The following PAPSS1 variants were observed in gnomAD, a reference collection of about 807,000 sequenced individuals.
PAPSS1 encodes the protein 3'-phosphoadenosine 5'-phosphosulfate synthase 1.
In PAPSS1, 50 loss-of-function variants were observed where a neutral mutation model predicts 72.0. The observed-to-expected ratio is 0.69, with a 90% confidence interval of 0.55 to 0.88. The LOEUF (loss-of-function observed/expected upper bound fraction) is 0.88. PAPSS1 is among the 40% of genes least tolerant of loss of function. The probability of loss-of-function intolerance (pLI) is 0.00; values close to 1 mark genes in which losing one functional copy is unlikely to be tolerated. For synonymous variants in PAPSS1, 261 were observed against 263.6 expected, an observed-to-expected ratio of 0.99 and a Z score of 0.09; for missense variants, 657 against 782.2, an observed-to-expected ratio of 0.84 and a Z score of 1.91.
intron 10 of PAPSS1, among the ~76,000 whole-genome samples, chr4:107,636,072 C>T (rs1389276687): frequency 6.6e-6 from 1 of 152,170 alleles, no homozygotes; most frequent in Non-Finnish European, 1.5e-5. Context: ...TGAAAGAAAA[C>T]TGGGTATAAG....
chr4:107,682,539 T>C (rs1055538413), intron 4 of PAPSS1, among the ~76,000 whole-genome samples: 6 of 152,186 alleles, frequency 3.9e-5, no homozygotes, highest in Non-Finnish European at 5.9e-5. Context: ...CAAATAAATT[T>C]TGTCAAGTAG....
intron 2 of PAPSS1, among the ~76,000 whole-genome samples, chr4:107,700,732 A>G (rs1274089005): frequency 6.6e-6 from 1 of 152,210 alleles, no homozygotes; most frequent in African/African-American, 2.4e-5. Flanking sequence ...AAACATAGCA[A>G]GAAGATGCTA....
intron 11 of PAPSS1, among the ~76,000 whole-genome samples, chr4:107,622,058 G>A (rs576453937): frequency 2.9e-4 from 44 of 152,206 alleles, no homozygotes; most frequent in African/African-American, 1.0e-3. Context: ...ACTCATTCAG[G>A]AACTGTCTCA....
chr4:107,701,597 C>A (rs1723206848), intron 1 of PAPSS1, among the ~76,000 whole-genome samples: 1 of 152,100 alleles, frequency 6.6e-6, no homozygotes. Flanking sequence ...GACTCCAGAG[C>A]CTAGTCCTTT....
At chr4:107,709,371 C>G (rs529148534) in intron 1 of PAPSS1, among the ~76,000 whole-genome samples, 16 of 152,246 alleles carry the variant, frequency 1.1e-4, no homozygotes, top group African/African-American at 3.9e-4. Flanking sequence ...CCAAACTGCC[C>G]TTAGGTATTG....
At chr4:107,655,001 A>C in intron 7 of PAPSS1, 101 bp from the exon 8 acceptor site, 1 of 781,018 alleles carries the variant, frequency 1.3e-6, no homozygotes. Flanking sequence ...CAAATAATAA[A>C]AGGCTGTAGA....
At chr4:107,620,597 C>G (rs1725929877) in intron 11 of PAPSS1, among the ~76,000 whole-genome samples, 1 of 152,118 alleles carries the variant, frequency 6.6e-6, no homozygotes, top group African/African-American at 2.4e-5. Context: ...CCAGGGCTGT[C>G]CTAAAGTGTA....
intron 11 of PAPSS1, among the ~76,000 whole-genome samples, chr4:107,625,569 C>CAG: frequency 6.6e-6 from 1 of 152,186 alleles, no homozygotes; most frequent in East Asian, 1.9e-4. Flanking sequence ...TAACAGGGTT[C>CAG]AGTCTGACAG....
At chr4:107,699,412 A>AT (rs1723153465) in intron 2 of PAPSS1, among the ~76,000 whole-genome samples, 1 of 152,216 alleles carries the variant, frequency 6.6e-6, no homozygotes, top group Admixed American at 6.5e-5. Flanking sequence ...ACAGACAAAT[A>AT]TATCAGTGGG....
At position 107,672,141 on chromosome 4, in the gene PAPSS1, G is replaced by A. The variant is rs1256927215; in HGVS notation, c.669+9874C>T. On this transcript the variant is annotated intron_variant, in intron 5 of 11. Coordinates refer to ENST00000265174, the MANE Select transcript of PAPSS1 (RefSeq NM_005443.5). ...CCAGTCTACAGCTCCCAGTGTGAGCGACGCAGAAGACGGGTGATTTCTGCA... is the reference window on the plus strand; with the variant it reads ...CCAGTCTACAGCTCCCAGTGTGAGCAACGCAGAAGACGGGTGATTTCTGCA... Among the ~76,000 whole-genome samples the A allele has an allele frequency of 2.6e-5, 4 of 152,206 alleles. No homozygotes were observed. In the East Asian group the frequency reaches 5.8e-4, roughly 22 times the overall value.
intron 5 of PAPSS1, among the ~76,000 whole-genome samples, chr4:107,677,120 C>T (rs1277950290): frequency 6.6e-6 from 1 of 152,164 alleles, no homozygotes; most frequent in East Asian, 1.9e-4. Context: ...AGGACATAGG[C>T]ATGGGCAAGG....
intron 3 of PAPSS1, among the ~76,000 whole-genome samples, chr4:107,687,598 T>C (rs1460064981): frequency 6.6e-6 from 1 of 152,138 alleles, no homozygotes; most frequent in East Asian, 1.9e-4. Flanking sequence ...TTTACTTCTT[T>C]GCCAAATGCA....
In PAPSS1 at chr4:107,646,517, T is replaced by C. The variant is rs796472930; in HGVS notation, c.1238-1447A>G. On this transcript the variant is annotated intron_variant, in intron 9 of 11. Transcript: ENST00000265174. ...GAGCTCCTTGGCAAATGGCAGCTTT[T>C]AGAGCTGGGGCAAGAAAAGTACAAC... 3.9e-5 allele frequency among the ~76,000 whole-genome samples: 6 copies of C among 152,246 alleles called. 1 individual carries two copies. Among genetic ancestry groups the C allele is most frequent in the African/African-American group, 1.4e-4 (6 of 41,540 alleles).
In PAPSS1 at chr4:107,720,186, G is replaced by T; in HGVS notation, c.-7C>A. The T allele has an allele frequency of 6.2e-7, 1 of 1,601,848 alleles. No individual in the cohort carries two copies. The highest frequency in any genetic ancestry group is 8.5e-7 in the Non-Finnish European group (1 of 1,175,266). On this transcript the variant is annotated 5_prime_UTR_variant, in exon 1 of 12. Coordinates refer to ENST00000265174, the MANE Select transcript of PAPSS1 (RefSeq NM_005443.5). ...GGCTCCCGGGGATCTCCATGACCGC[G>T]GAGCGCGCTGAGCAGCCGGGGTTCT...
At chr4:107,636,088 C>T (rs778904034) in intron 10 of PAPSS1, among the ~76,000 whole-genome samples, 6 of 152,012 alleles carry the variant, frequency 3.9e-5, no homozygotes, top group Non-Finnish European at 5.9e-5. Context: ...ATAAGATATC[C>T]GAAAGTCAAG....
At chr4:107,685,789 C>A (rs552591955) in intron 4 of PAPSS1, among the ~76,000 whole-genome samples, 1 of 152,300 alleles carries the variant, frequency 6.6e-6, no homozygotes, top group South Asian at 2.1e-4. Context: ...AGAATAACTA[C>A]CATTTTCCTT....
chr4:107,655,969 A>G (rs528217876), intron 7 of PAPSS1, among the ~76,000 whole-genome samples: 4 of 152,252 alleles, frequency 2.6e-5, no homozygotes, highest in Non-Finnish European at 5.9e-5. Context: ...TCACAAAACA[A>G]AAAACTTGGT....
chr4:107,692,056 G>A (rs1722937447), intron 3 of PAPSS1, among the ~76,000 whole-genome samples: 1 of 152,116 alleles, frequency 6.6e-6, no homozygotes, highest in Non-Finnish European at 1.5e-5. Flanking sequence ...ATGGATTAAA[G>A]GCTTAAATGT....
In PAPSS1 at chr4:107,667,483, C is replaced by T. The variant is rs552235932; in HGVS notation, c.670-7411G>A. 2.3e-4 allele frequency among the ~76,000 whole-genome samples: 35 copies of T among 152,204 alleles called. No homozygotes were observed. The South Asian group carries it at 6.8e-3, about 30-fold the overall frequency. On this transcript the variant is annotated intron_variant, in intron 5 of 11. Coordinates refer to ENST00000265174, the MANE Select transcript of PAPSS1 (RefSeq NM_005443.5). ...AGCCTGGGCACCCCATTTGGGCTGG[C>T]GTCTAAAACAGGGCAGTGTATAGGA...
Sources: gnomAD v4.1 joint callset for allele counts (sites outside exome capture counted in the v4.1 genomes callset) on GRCh38, gnomAD v4.1.1 for gene constraint, MANE v1.5 for transcripts, NCBI Gene and HGNC (gene_info 2026-07-23, HGNC 2026-07-21) for gene names.